NBAS: variants seen among roughly 807,000 people sequenced by gnomAD.
NBAS encodes the protein NBAS subunit of NRZ tethering complex, also known as NAG/BC035112 fusion.
NBAS carries 219 observed loss-of-function variants against 302.5 expected under a neutral mutation model. That is an observed-to-expected ratio of 0.72 (90% CI 0.65 to 0.81). The LOEUF (loss-of-function observed/expected upper bound fraction) is 0.81, where lower values mean the gene tolerates loss of function less well. NBAS is among the 30% of genes least tolerant of loss of function. The pLI is 0.00. For synonymous variants in NBAS, 1,118 were observed against 1,021.6 expected (o/e 1.09, Z -1.80); for missense variants, 2,932 against 2,841.6 (o/e 1.03, Z -0.72).
At chr2:15,456,151 G>A (rs1257801608) in intron 21 of NBAS, among the ~76,000 whole-genome samples, 1 of 152,222 alleles carries the variant, frequency 6.6e-6, no homozygotes, top group East Asian at 1.9e-4. Flanking sequence ...TACAAAACTT[G>A]GTCACATTTC....
At chr2:15,513,453 A>T (rs1210306225) in intron 9 of NBAS, among the ~76,000 whole-genome samples, 1 of 152,238 alleles carries the variant, frequency 6.6e-6, no homozygotes, top group Non-Finnish European at 1.5e-5. Context: ...AAAAAGGAGT[A>T]TATCTAGTGC....
rs149402748 is a variant in NBAS, at chr2:15,366,675, C to T, written c.3722G>A (p.Arg1241Gln). 2.0e-5 allele frequency: 32 copies of T among 1,613,786 alleles called. No individual in the cohort carries two copies. The highest frequency in any genetic ancestry group is 1.8e-4 in the Admixed American group (11 of 59,984). Residue 1241 changes from arginine to glutamine, a missense_variant, in exon 32 of 52, where the codon CGG becomes CAG. Transcript: ENST00000281513. ...LPLQVRLCPDRISLIKECISQ... is the reference protein window; with the variant it reads ...LPLQVRLCPDQISLIKECISQ... Reference sequence around the variant, plus strand: ...AATACACTCCTTGATGAGACTGATCCGATCAGGGCACAATCGCACTACAAA... The same window carrying T: ...AATACACTCCTTGATGAGACTGATCTGATCAGGGCACAATCGCACTACAAA...
At chr2:15,438,530 T>G (rs996103324) in intron 21 of NBAS, among the ~76,000 whole-genome samples, 1 of 151,728 alleles carries the variant, frequency 6.6e-6, no homozygotes, top group African/African-American at 2.4e-5. Flanking sequence ...ACAACAAAAA[T>G]AGACAGCAGG....
the NBAS span, among the ~76,000 whole-genome samples, chr2:14,786,767 G>A: frequency 2.0e-5 from 3 of 152,140 alleles, no homozygotes; most frequent in Non-Finnish European, 2.9e-5. Context: ...TGGAATAGAT[G>A]TGGTGTGGTG....
the NBAS span, among the ~76,000 whole-genome samples, chr2:15,055,315 C>T: frequency 6.6e-5 from 10 of 152,202 alleles, no homozygotes; most frequent in Non-Finnish European, 1.5e-4. Flanking sequence ...GATAAGAACA[C>T]CAGTGACCTC....
chr2:15,018,483 A>G, the NBAS span, among the ~76,000 whole-genome samples: 36 of 152,144 alleles, frequency 2.4e-4, no homozygotes, highest in African/African-American at 8.2e-4. Context: ...CTATTGAAGC[A>G]TATTCCTAAA....
the NBAS span, among the ~76,000 whole-genome samples, chr2:14,925,992 C>T: frequency 6.6e-6 from 1 of 152,192 alleles, no homozygotes; most frequent in Non-Finnish European, 1.5e-5. Context: ...ACAAATCCTT[C>T]AGCCTGTTTA....
In NBAS at chr2:15,456,959, T is replaced by C. The variant is rs529670776; in HGVS notation, c.2339+4242A>G. ...GGCAAAGTGAAGCTTATATGAAAAA[T>C]GTGATCAGGGAAGACCTTTATGAAG... On this transcript the variant is annotated intron_variant, in intron 21 of 51. Coordinates refer to ENST00000281513, the MANE Select transcript of NBAS (RefSeq NM_015909.4). Among the ~76,000 whole-genome samples the C allele has an allele frequency of 6.6e-5, 10 of 151,982 alleles. No homozygotes were observed. In the South Asian group the frequency reaches 1.9e-3, roughly 28 times the overall value.
chr2:15,406,460 A>G (rs748816777), intron 25 of NBAS, among the ~76,000 whole-genome samples: 8 of 152,228 alleles, frequency 5.3e-5, no homozygotes, highest in Non-Finnish European at 1.0e-4. Flanking sequence ...TGCAAGTACT[A>G]GAAGAAAACG....
At chr2:15,204,203 G>A (rs557227546) in intron 48 of NBAS, among the ~76,000 whole-genome samples, 52 of 152,054 alleles carry the variant, frequency 3.4e-4, no homozygotes, top group Non-Finnish European at 6.6e-4. Context: ...GGGCTGCAGC[G>A]AGCCACAATT....
intron 21 of NBAS, among the ~76,000 whole-genome samples, chr2:15,458,081 T>A (rs577878093): frequency 6.6e-6 from 1 of 152,162 alleles, no homozygotes; most frequent in Non-Finnish European, 1.5e-5. Flanking sequence ...CCGCCCTAAC[T>A]GGGATCTGAA....
chr2:15,189,907 G>C (rs1665266808), intron 49 of NBAS, among the ~76,000 whole-genome samples: 1 of 152,174 alleles, frequency 6.6e-6, no homozygotes, highest in Non-Finnish European at 1.5e-5. Context: ...TCAATAAGTA[G>C]AAATTATTCA....
At position 15,177,646 on chromosome 2, in the gene NBAS, C is replaced by T. The variant is rs550232427; in HGVS notation, c.6840+1342G>A. Among the ~76,000 whole-genome samples the T allele has an allele frequency of 3.7e-4, 57 of 152,216 alleles. 2 individuals carry two copies. In the South Asian group the frequency reaches 0.012, roughly 31 times the overall value. ...ACGAGGGTGGGGAGGAAAAAAAATG[C>T]ACTGAGAATATGCAGAAGTTTTCTC... On this transcript the variant is annotated intron_variant, in intron 51 of 51. Coordinates refer to ENST00000281513, the MANE Select transcript of NBAS (RefSeq NM_015909.4).
Position 15,198,183 on chromosome 2 carries a change from T to G in NBAS, c.6433-7780A>C, listed in dbSNP as rs75700319. On this transcript the variant is annotated intron_variant, in intron 48 of 51. Transcript: ENST00000281513. Reference sequence around the variant, plus strand: ...AAAGGCCTTAGCTCTACAGTAAATATTTGGCAAATGAATGCTCATTTATAT... The same window carrying G: ...AAAGGCCTTAGCTCTACAGTAAATAGTTGGCAAATGAATGCTCATTTATAT... Among the ~76,000 whole-genome samples, 637 of 152,338 alleles carry G rather than the reference T, an allele frequency of 4.2e-3. 8 individuals are homozygous for G. The highest frequency in any genetic ancestry group is 0.014 in the African/African-American group (595 of 41,570).
At chr2:14,848,761 C>T in the NBAS span, among the ~76,000 whole-genome samples, 11 of 149,332 alleles carry the variant, frequency 7.4e-5, no homozygotes, top group Admixed American at 3.3e-4. Context: ...TCAAGTGGGT[C>T]CCTGACCCCT....
rs1374673809 is a variant in NBAS at position 15,441,273 on chromosome 2, A to T, written c.2340-13479T>A. Among the ~76,000 whole-genome samples the T allele has an allele frequency of 7.2e-4, 109 of 152,304 alleles. No individual in the cohort carries two copies. The Middle Eastern group carries it at 0.014, about 19-fold the overall frequency. ...GCCAGAGAGAAAGGTCGGGTTACCCACAAAGGGAAGCCCATCAGACTAACA... is the reference window on the plus strand; with the variant it reads ...GCCAGAGAGAAAGGTCGGGTTACCCTCAAAGGGAAGCCCATCAGACTAACA... On this transcript the variant is annotated intron_variant, in intron 21 of 51. Coordinates refer to ENST00000281513, the MANE Select transcript of NBAS (RefSeq NM_015909.4).
the NBAS span, among the ~76,000 whole-genome samples, chr2:14,838,242 C>G: frequency 6.6e-6 from 1 of 151,868 alleles, no homozygotes. Flanking sequence ...CTAAAATGCT[C>G]TTTTTTATTT....
intron 21 of NBAS, among the ~76,000 whole-genome samples, chr2:15,452,889 A>C (rs2148542428): frequency 6.6e-6 from 1 of 152,286 alleles, no homozygotes; most frequent in South Asian, 2.1e-4. Flanking sequence ...TATTCATCCA[A>C]CAGTCATTAA....
At chr2:14,901,635 ATAACT>A in the NBAS span, among the ~76,000 whole-genome samples, 3 of 152,184 alleles carry the variant, frequency 2.0e-5, no homozygotes, top group Non-Finnish European at 4.4e-5. Flanking sequence ...ATGAGGGGAA[ATAACT>A]TAGATTCTTA....
Sources: allele counts gnomAD v4.1 joint callset (sites outside exome capture counted in the v4.1 genomes callset), GRCh38; gene constraint gnomAD v4.1.1; transcripts MANE v1.5; gene names NCBI Gene and HGNC (gene_info 2026-07-23, HGNC 2026-07-21).